Variants in ZNF66 observed in about 807,000 individuals in gnomAD.
ZNF66 encodes zinc finger protein 66.
A neutral mutation model predicts 35.2 loss-of-function variants in ZNF66; 32 were observed. The ratio of observed to expected loss-of-function variants is 0.91; its 90% confidence interval spans 0.69 to 1.22. ZNF66 has a LOEUF of 1.22. Ranked by LOEUF, ZNF66 falls within the 50% of genes most tolerant of loss-of-function variation. The probability of loss-of-function intolerance (pLI) is 0.00; values close to 1 mark genes in which losing one functional copy is unlikely to be tolerated. For synonymous variants in ZNF66, 231 were observed against 181.3 expected, an observed-to-expected ratio of 1.27 and a Z score of -2.20; for missense variants, 666 against 543.1, an observed-to-expected ratio of 1.23 and a Z score of -2.25.
In ZNF66 at chr19:20,786,735, C is replaced by T. The variant is rs549068492; in HGVS notation, c.4-5777C>T. On this transcript the variant is annotated intron_variant, in intron 1 of 3. Coordinates refer to ENST00000344519, the MANE Select transcript of ZNF66 (RefSeq NM_001355197.2). Reference sequence around the variant, plus strand: ...TTGGCACAAGTAGCTATAAATGACACTAATAATGCCACATTGGACACTATA... The same window carrying T: ...TTGGCACAAGTAGCTATAAATGACATTAATAATGCCACATTGGACACTATA... Among the ~76,000 whole-genome samples, 9 of 152,302 alleles carry T rather than the reference C, an allele frequency of 5.9e-5. No homozygotes were observed. In the East Asian group the frequency reaches 1.4e-3, roughly 23 times the overall value.
chr19:20,794,006 T>A, intron 3 of ZNF66, 128 bp downstream of exon 3: 2 of 538,650 alleles, frequency 3.7e-6, no homozygotes, highest in East Asian at 6.5e-5. Context: ...GCTGTTTTTT[T>A]TGTTTTTTGT....
intron 3 of ZNF66, among the ~76,000 whole-genome samples, chr19:20,804,163 A>G (rs1489853982): frequency 6.6e-6 from 1 of 151,740 alleles, no homozygotes; most frequent in Non-Finnish European, 1.5e-5. Flanking sequence ...TCTGGTTGTT[A>G]TTCTCATTTT....
At chr19:20,795,945 TCCTG>T (rs760816465) in intron 3 of ZNF66, among the ~76,000 whole-genome samples, 5 of 152,192 alleles carry the variant, frequency 3.3e-5, no homozygotes, top group Non-Finnish European at 7.4e-5. Flanking sequence ...TGAGTAGGGG[TCCTG>T]CAGTTTCCCA....
intron 3 of ZNF66, among the ~76,000 whole-genome samples, chr19:20,795,354 GTTTCTTTTTTTCTT>G (rs1198843017): frequency 2.0e-5 from 3 of 147,978 alleles, no homozygotes; most frequent in Non-Finnish European, 3.0e-5. Context: ...AACTGTGTGG[GTTTCTTTTTTTCTT>G]TTTCTTTTTT....
At position 20,778,033 on chromosome 19, in the gene ZNF66, T is replaced by G. The variant is rs148253381; in HGVS notation, c.3+1583T>G. Among the ~76,000 whole-genome samples the G allele has an allele frequency of 1.9e-3, 296 of 152,322 alleles. 1 individual carries two copies. The highest frequency in any genetic ancestry group is 6.5e-3 in the African/African-American group (269 of 41,572). ...TGATTTCTGAGTTAAATGCTAAATT[T>G]TAAGTGATGAAACATGGTACCTTCT... On this transcript the variant is annotated intron_variant, in intron 1 of 3. Transcript: ENST00000344519.
intron 3 of ZNF66, among the ~76,000 whole-genome samples, 170 bp from the exon 4 acceptor site, chr19:20,805,657 T>A (rs1030397874): frequency 1.3e-5 from 2 of 152,216 alleles, no homozygotes; most frequent in African/African-American, 4.8e-5. Context: ...AAATGTATTT[T>A]GGGCAGTATG....
chr19:20,790,054 T>C (rs1971321818), intron 1 of ZNF66, among the ~76,000 whole-genome samples: 1 of 152,170 alleles, frequency 6.6e-6, no homozygotes, highest in Non-Finnish European at 1.5e-5. Context: ...AACATCAGCT[T>C]TGACAGGGGA....
At chr19:20,776,551 T>C (rs952766997) in intron 1 of ZNF66, 101 bp downstream of exon 1, 1 of 1,392,580 alleles carries the variant, frequency 7.2e-7, no homozygotes, top group African/African-American at 1.4e-5. Context: ...GAATTCTCCT[T>C]ACCCAGCTCT....
At chr19:20,786,823 A>G (rs189526003) in intron 1 of ZNF66, among the ~76,000 whole-genome samples, 2 of 152,334 alleles carry the variant, frequency 1.3e-5, no homozygotes, top group Admixed American at 1.3e-4. Context: ...GTGCAATGGC[A>G]CAATCTTGGC....
intron 1 of ZNF66, among the ~76,000 whole-genome samples, chr19:20,781,356 G>T (rs1181286527): frequency 6.6e-6 from 1 of 152,110 alleles, no homozygotes; most frequent in Non-Finnish European, 1.5e-5. Flanking sequence ...CACCAAACAG[G>T]TATGTTTTCT....
chr19:20,796,155 C>G (rs4536589), intron 3 of ZNF66, among the ~76,000 whole-genome samples: 12,020 of 152,140 alleles, frequency 0.079, 642 homozygotes, highest in Middle Eastern at 0.14. Context: ...TACCATGTAT[C>G]TGTCATTACA....
chr19:20,776,486 A>C (rs752768330), intron 1 of ZNF66, 36 bp downstream of exon 1: 2 of 1,530,724 alleles, frequency 1.3e-6, no homozygotes, highest in Non-Finnish European at 1.8e-6. Flanking sequence ...AGAGAGGTGA[A>C]GTGTCTGTGG....
intron 2 of ZNF66, among the ~76,000 whole-genome samples, chr19:20,793,317 C>CTTTTTT (rs1971357023): frequency 1.4e-5 from 1 of 71,718 alleles, no homozygotes; most frequent in Non-Finnish European, 3.0e-5. Flanking sequence ...CTTTTCTTTT[C>CTTTTTT]TTTTCTTTTC....
rs947931520 is a variant in ZNF66, at chr19:20,809,469, C to A, written c.*2147C>A. 1.1e-4 allele frequency among the ~76,000 whole-genome samples: 17 copies of A among 152,280 alleles called. No individual in the cohort carries two copies. Among genetic ancestry groups the A allele is most frequent in the Middle Eastern group, 3.4e-3 (1 of 294 alleles). On this transcript the variant is annotated 3_prime_UTR_variant, in exon 4 of 4. Coordinates refer to ENST00000344519, the MANE Select transcript of ZNF66 (RefSeq NM_001355197.2). The stretch of plus-strand genomic sequence containing the variant: ...CCCACAAAGGGAAGCCCATCAGACT[C>A]ACAGCTGACCTCTTGGCAGAAACTC...
chr19:20,787,742 A>T (rs540267659), intron 1 of ZNF66, among the ~76,000 whole-genome samples: 3 of 152,376 alleles, frequency 2.0e-5, no homozygotes, highest in African/African-American at 7.2e-5. Context: ...ATCCAGAGCC[A>T]TGATCACAAT....
At position 20,805,909 on chromosome 19, in the gene ZNF66, T is replaced by TA; in HGVS notation, c.315dup (p.Cys106MetfsTer4). The TA allele has an allele frequency of 1.5e-6, 1 of 669,220 alleles. No homozygotes were observed. The highest frequency in any genetic ancestry group is 2.7e-6 in the Non-Finnish European group (1 of 370,694). 41.5% of individuals were successfully genotyped at this position (669,220 alleles called of 1,614,324 possible). A position where few individuals can be genotyped will look rare whatever the true frequency, so the allele number is the denominator to read the frequency against. ...TCCAAAAACTGATACTGAGAAGGCATAAAAAATGTGGACATGATAATTTGC... is the reference window on the plus strand; with the variant it reads ...TCCAAAAACTGATACTGAGAAGGCATAAAAAAATGTGGACATGATAATTTGC... On this transcript the variant is annotated frameshift_variant, in exon 4 of 4. Coordinates refer to ENST00000344519, the MANE Select transcript of ZNF66 (RefSeq NM_001355197.2). LOFTEE classifies it high-confidence loss of function.
intron 3 of ZNF66, among the ~76,000 whole-genome samples, chr19:20,797,352 G>T (rs1223944479): frequency 7.2e-6 from 1 of 138,248 alleles, no homozygotes; most frequent in Non-Finnish European, 1.6e-5. Context: ...GACTACAGGC[G>T]CCCGCCACCT....
chr19:20,777,114 TA>T (rs767934089), intron 1 of ZNF66, among the ~76,000 whole-genome samples: 31,998 of 94,870 alleles, frequency 0.34, 4,189 homozygotes, highest in East Asian at 0.45. Flanking sequence ...GACTCTTGTC[TA>T]AAAAAAAAAA....
intron 1 of ZNF66, among the ~76,000 whole-genome samples, chr19:20,778,085 TTAC>T (rs1347161360): frequency 6.6e-6 from 1 of 152,178 alleles, no homozygotes; most frequent in Non-Finnish European, 1.5e-5. Flanking sequence ...GACTAATTTT[TTAC>T]TACATTATTT....
Sources: gnomAD v4.1 joint callset for allele counts (sites outside exome capture counted in the v4.1 genomes callset) on GRCh38, gnomAD v4.1.1 for gene constraint, MANE v1.5 for transcripts, NCBI Gene and HGNC (gene_info 2026-07-23, HGNC 2026-07-21) for gene names.